The following MGST2 variants were observed in gnomAD, a reference collection of about 807,000 sequenced individuals.
The protein encoded by MGST2 is microsomal glutathione S-transferase 2, also known as glutathione peroxidase MGST2.
In MGST2, 9 loss-of-function variants were observed where a neutral mutation model predicts 16.6. The observed-to-expected ratio is 0.54, with a 90% confidence interval of 0.33 to 0.95. The LOEUF (loss-of-function observed/expected upper bound fraction) is 0.95. Ranked by LOEUF, MGST2 falls within the 40% of genes least tolerant of loss-of-function variation. The pLI, the probability that MGST2 is intolerant of heterozygous loss-of-function variation, is 0.03. For missense variants in MGST2, 159 were observed against 175.1 expected (o/e 0.91, Z 0.52); for synonymous variants, 79 against 68.0 (o/e 1.16, Z -0.79).
chr4:139,744,617 T>C (rs943086028), downstream of MGST2, among the ~76,000 whole-genome samples: 2 of 152,202 alleles, frequency 1.3e-5, no homozygotes, highest in East Asian at 1.9e-4. Flanking sequence ...GAAAAACTTT[T>C]ATTGCTCAAG....
chr4:139,698,743 T>G (rs1727080866), intron 3 of MGST2, among the ~76,000 whole-genome samples: 1 of 152,248 alleles, frequency 6.6e-6, no homozygotes, highest in Non-Finnish European at 1.5e-5. Flanking sequence ...CCTGCTGGTG[T>G]AGCTGCAAGT....
chr4:139,706,313 C>T (rs1232892844), downstream of MGST2, among the ~76,000 whole-genome samples: 3 of 152,180 alleles, frequency 2.0e-5, no homozygotes, highest in South Asian at 2.1e-4. Flanking sequence ...GAAGTGAAGA[C>T]TCCAGAACCA....
intron 1 of MGST2, among the ~76,000 whole-genome samples, chr4:139,670,057 C>T (rs1054829531): frequency 1.3e-5 from 2 of 152,072 alleles, no homozygotes; most frequent in East Asian, 1.9e-4. Flanking sequence ...GAGGAGACGG[C>T]AGGCAATTGT....
downstream of MGST2, among the ~76,000 whole-genome samples, chr4:139,704,487 G>C (rs376621252): frequency 6.6e-6 from 1 of 152,166 alleles, no homozygotes; most frequent in African/African-American, 2.4e-5. Flanking sequence ...TTGATGGAAA[G>C]TTTCAGACAG....
chr4:139,728,281 C>A (rs542470672), intron 5 of MGST2, among the ~76,000 whole-genome samples: 1 of 152,182 alleles, frequency 6.6e-6, no homozygotes. Context: ...ACAACCTGCA[C>A]TAAATCTGCA....
intron 2 of MGST2, among the ~76,000 whole-genome samples, chr4:139,691,760 G>A (rs547276110): frequency 5.3e-5 from 8 of 152,142 alleles, no homozygotes; most frequent in South Asian, 2.1e-4. Context: ...GTGCAGTGGC[G>A]TGATCTCGGC....
At chr4:139,739,063 T>A (rs528923303) in intron 5 of MGST2, among the ~76,000 whole-genome samples, 112 of 152,316 alleles carry the variant, frequency 7.4e-4, no homozygotes, top group African/African-American at 2.6e-3. Context: ...CTTCCCAGTA[T>A]CCAGCACAGA....
At chr4:139,691,325 A>T (rs981305159) in intron 2 of MGST2, among the ~76,000 whole-genome samples, 1 of 152,236 alleles carries the variant, frequency 6.6e-6, no homozygotes, top group African/African-American at 2.4e-5. Context: ...ATCTGCCTTC[A>T]TGACTTAAAA....
chr4:139,719,797 T>C (rs1728155754), intron 5 of MGST2: 1 of 1,613,502 alleles, frequency 6.2e-7, no homozygotes, highest in Admixed American at 1.7e-5. Context: ...CATTGTTGAA[T>C]GGTCCCAATT....
chr4:139,668,625 G>C (rs1335490947), intron 1 of MGST2, among the ~76,000 whole-genome samples: 1 of 150,726 alleles, frequency 6.6e-6, no homozygotes, highest in African/African-American at 2.4e-5. Flanking sequence ...GGAGGGGGAG[G>C]GGGTAGAGGG....
chr4:139,706,340 C>A (rs1481029540), downstream of MGST2, among the ~76,000 whole-genome samples: 1 of 152,164 alleles, frequency 6.6e-6, no homozygotes, highest in Non-Finnish European at 1.5e-5. Flanking sequence ...CCTATCCTGT[C>A]CTATCACTTG....
chr4:139,749,223 T>A, the MGST2 span, among the ~76,000 whole-genome samples: 2 of 152,240 alleles, frequency 1.3e-5, no homozygotes, highest in Non-Finnish European at 2.9e-5. Flanking sequence ...GCCAAGTTCA[T>A]ATTTGACCTA....
chr4:139,678,399 CT>C, intron 1 of MGST2, 143 bp from the exon 2 acceptor site: 1 of 720,648 alleles, frequency 1.4e-6, no homozygotes, highest in Non-Finnish European at 2.5e-6. Context: ...CCTCTCCTGT[CT>C]TTTTTAATTG....
At chr4:139,677,738 G>T (rs1044459452) in intron 1 of MGST2, among the ~76,000 whole-genome samples, 1 of 151,972 alleles carries the variant, frequency 6.6e-6, no homozygotes, top group Non-Finnish European at 1.5e-5. Context: ...CCCGACCTTG[G>T]GTAATCCACC....
chr4:139,671,320 C>G (rs1730681759), intron 1 of MGST2, among the ~76,000 whole-genome samples: 1 of 151,976 alleles, frequency 6.6e-6, no homozygotes, highest in South Asian at 2.1e-4. Context: ...ATGTGTATCT[C>G]TGGAGAAAGC....
At chr4:139,670,538 CAG>C (rs1730629818) in intron 1 of MGST2, among the ~76,000 whole-genome samples, 1 of 152,180 alleles carries the variant, frequency 6.6e-6, no homozygotes, top group Non-Finnish European at 1.5e-5. Flanking sequence ...TAAGTGGACT[CAG>C]AGATTCTCAG....
At chr4:139,686,507 A>T (rs1731578701) in intron 2 of MGST2, among the ~76,000 whole-genome samples, 1 of 152,184 alleles carries the variant, frequency 6.6e-6, no homozygotes, top group Non-Finnish European at 1.5e-5. Context: ...GTCCATTCAG[A>T]TGGTTGGGGG....
At chr4:139,713,986 G>C (rs1727838850) in intron 5 of MGST2, among the ~76,000 whole-genome samples, 1 of 152,152 alleles carries the variant, frequency 6.6e-6, no homozygotes, top group South Asian at 2.1e-4. Context: ...ATGATTTTTA[G>C]AGCTATGACA....
In MGST2 at chr4:139,737,373, C is replaced by T. The variant is rs112354364; in HGVS notation, c.*49-2839C>T. ...TAAGGAACTTGTCTGGTGGTGGCGTCTCTGGGATTCTGACTTTTCCACTGA... is the reference window on the plus strand; with the variant it reads ...TAAGGAACTTGTCTGGTGGTGGCGTTTCTGGGATTCTGACTTTTCCACTGA... On this transcript the variant is annotated intron_variant, in intron 5 of 5. Transcript: ENST00000616265. 4.8e-3 allele frequency among the ~76,000 whole-genome samples: 473 copies of T among 97,634 alleles called. 3 individuals are homozygous for T. The highest frequency in any genetic ancestry group is 0.015 in the African/African-American group (453 of 30,576). The allele number at this position is 97,634 out of a possible 152,430, so 64.1% of individuals were successfully genotyped here. A position where few individuals can be genotyped will look rare whatever the true frequency, so the allele number is the denominator to read the frequency against.
Sources: gnomAD v4.1 joint callset for allele counts (sites outside exome capture counted in the v4.1 genomes callset) on GRCh38, gnomAD v4.1.1 for gene constraint, MANE v1.5 for transcripts, NCBI Gene and HGNC (gene_info 2026-07-23, HGNC 2026-07-21) for gene names.